ZNF205: variants seen among roughly 807,000 people sequenced by gnomAD.
ZNF205 encodes the protein transcriptional repressor RHIT.
ZNF205 carries 32 observed loss-of-function variants against 53.6 expected under a neutral mutation model. The ratio of observed to expected loss-of-function variants is 0.60; its 90% confidence interval spans 0.45 to 0.80. ZNF205 has a LOEUF of 0.80. Among genes scored for constraint, ZNF205 ranks in the 30% least tolerant of loss-of-function variants. ZNF205 has a pLI of 0.00. For synonymous variants in ZNF205, 382 were observed against 334.3 expected (o/e 1.14, Z -1.56); for missense variants, 836 against 782.4 (o/e 1.07, Z -0.82).
intron 5 of ZNF205, among the ~76,000 whole-genome samples, chr16:3,118,439 A>G (rs1478871550): frequency 6.6e-6 from 1 of 151,928 alleles, no homozygotes; most frequent in Admixed American, 6.6e-5. Flanking sequence ...CTTTCCTCCC[A>G]CGGGTGGTGG....
In ZNF205 at chr16:3,115,343, T is replaced by C. The variant is rs1304089073; in HGVS notation, c.58-12T>C. The C allele has an allele frequency of 6.4e-7, 1 of 1,572,406 alleles. No individual in the cohort carries two copies. The highest frequency in any genetic ancestry group is 8.6e-7 in the Non-Finnish European group (1 of 1,159,860). On this transcript the variant is annotated splice_polypyrimidine_tract_variant and intron_variant, in intron 2 of 6. Coordinates refer to ENST00000219091, the MANE Select transcript of ZNF205 (RefSeq NM_001042428.2). ...CCACTCATCTGGGTGCTGATGGGGC[T>C]GTCCTTTCTAGGTTCCAGATCGTGG...
In ZNF205 at chr16:3,115,826, C is replaced by T. The variant is rs752664176; in HGVS notation, c.272-3C>T. 1.2e-6 allele frequency: 2 copies of T among 1,612,042 alleles called. No individual in the cohort carries two copies. The highest frequency in any genetic ancestry group is 1.7e-6 in the Non-Finnish European group (2 of 1,178,968). On this transcript the variant is annotated splice_polypyrimidine_tract_variant and splice_region_variant and intron_variant, in intron 3 of 6. Coordinates refer to ENST00000219091, the MANE Select transcript of ZNF205 (RefSeq NM_001042428.2). The stretch of plus-strand genomic sequence containing the variant: ...CACCGTGAGGACCTCTCTCCTCCCA[C>T]AGCCCTCCCCTCCCCCCGGATCCCC...
rs1256556576 is a variant in ZNF205 at position 3,119,787 on chromosome 16, A to C, written c.1127A>C (p.His376Pro). 2.5e-6 allele frequency: 4 copies of C among 1,612,178 alleles called. No homozygotes were observed. Among genetic ancestry groups the C allele is most frequent in the Non-Finnish European group, 3.4e-6 (4 of 1,179,464 alleles). The stretch of plus-strand genomic sequence containing the variant: ...GCCTGCCGGAAGAGCTTCAGCCACC[A>C]CTCCACGCTGATTCAGCACCAGCGC... ...CPACRKSFSH[H>P]STLIQHQRIH... The change falls in exon 7 of 7, where the codon CAC becomes CCC. Residue 376 changes from histidine to proline, a missense_variant. By Grantham distance (77) the His-to-Pro change is moderately conservative. Transcript: ENST00000219091.
chr16:3,115,289 GC>G, intron 2 of ZNF205, 65 bp from the exon 3 acceptor site: 1 of 1,291,510 alleles, frequency 7.7e-7, no homozygotes, highest in South Asian at 2.1e-5. Context: ...CTGCCGGAGC[GC>G]ACTGCCATGT....
chr16:3,120,016 G>C lies in ZNF205; in HGVS notation c.1356G>C (p.Glu452Asp), dbSNP rs1957403349. ...GGGTCAAGCCCTATCCGTGCCCCGAGTGCGGCAAGTGCTTCAGCCAGCGTT... is the reference window on the plus strand; with the variant it reads ...GGGTCAAGCCCTATCCGTGCCCCGACTGCGGCAAGTGCTTCAGCCAGCGTT... ...HTGVKPYPCP[E>D]CGKCFSQRSN... The change falls in exon 7 of 7, where the codon GAG becomes GAC. Residue 452 changes from glutamate (E) to aspartate (D), a missense_variant. Coordinates refer to ENST00000219091, the MANE Select transcript of ZNF205 (RefSeq NM_001042428.2). 1 of 1,613,372 alleles carries C rather than the reference G, an allele frequency of 6.2e-7. No homozygotes were observed. The highest frequency in any genetic ancestry group is 1.1e-5 in the South Asian group (1 of 91,072).
rs1278987830 is a variant in ZNF205, at chr16:3,118,526, G to T, written c.485-379G>T. Among the ~76,000 whole-genome samples, 7 of 152,320 alleles carry T rather than the reference G, an allele frequency of 4.6e-5. No individual in the cohort carries two copies. In the Middle Eastern group the frequency reaches 0.014, roughly 296 times the overall value. ...CACACCCCCCCAAGACTTGACAAAT[G>T]GGATGACCTTAGTCGTTGGAGATCC... On this transcript the variant is annotated intron_variant, in intron 5 of 6. Coordinates refer to ENST00000219091, the MANE Select transcript of ZNF205 (RefSeq NM_001042428.2).
Position 3,115,640 on chromosome 16 carries a change from C to T in ZNF205, c.271+72C>T. 4.7e-6 allele frequency: 7 copies of T among 1,481,470 alleles called. No individual in the cohort carries two copies. In the South Asian group the frequency reaches 6.8e-5, roughly 14 times the overall value. 91.8% of individuals were successfully genotyped at this position (1,481,470 alleles called of 1,614,324 possible). A position where few individuals can be genotyped will look rare whatever the true frequency, so the allele number is the denominator to read the frequency against. On this transcript the variant is annotated intron_variant, in intron 3 of 6. Transcript: ENST00000219091. ...GGGGAGGTGGAGGTTTGGCCCAGGT[C>T]CAGGTGGGGCTGAGGGTCTCTATGC...
At position 3,120,180 on chromosome 16, in the gene ZNF205, C is replaced by A. The variant is rs550442577; in HGVS notation, c.1520C>A (p.Pro507Gln). 1.0e-5 allele frequency: 16 copies of A among 1,606,430 alleles called. No individual in the cohort carries two copies. The highest frequency in any genetic ancestry group is 1.7e-4 in the Middle Eastern group (1 of 6,054). ...THRGVRPYAC[P>Q]LCGKSFSRRS... ...CGTGGCGTGCGGCCCTACGCCTGCC[C>A]GTTGTGCGGCAAGAGCTTCAGCCGG... is the stretch of plus-strand genomic sequence containing the variant. Residue 507 changes from proline to glutamine, a missense_variant, in exon 7 of 7, where the codon CCG becomes CAG. Coordinates refer to ENST00000219091, the MANE Select transcript of ZNF205 (RefSeq NM_001042428.2).
rs1419734874 is a variant in ZNF205 at position 3,119,694 on chromosome 16, T to G, written c.1034T>G (p.Phe345Cys). Residue 345 changes from phenylalanine (F) to cysteine (C), a missense_variant, in exon 7 of 7, where the codon TTC becomes TGC. Physicochemically the swap from Phe to Cys is radical, Grantham distance 205. Coordinates refer to ENST00000219091, the MANE Select transcript of ZNF205 (RefSeq NM_001042428.2). Reference sequence around the variant, plus strand: ...GCCTGCACTGACTGCGGGAAGCGCTTCGGCCGCAGCTCGCACCTCATCCAG... The same window carrying G: ...GCCTGCACTGACTGCGGGAAGCGCTGCGGCCGCAGCTCGCACCTCATCCAG... The part of the protein sequence containing the change: ...PYACTDCGKR[F>C]GRSSHLIQHQ... 1.2e-6 allele frequency: 2 copies of G among 1,613,338 alleles called. No individual in the cohort carries two copies. The highest frequency in any genetic ancestry group is 1.7e-6 in the Non-Finnish European group (2 of 1,179,824).
rs755667985 is a variant in ZNF205, at chr16:3,118,942, G to A, written c.522G>A (p.Ala174=). ...PFSRPFWAPQ[A]HGKGEASGSS... ...GCAGGCCTTTCTGGGCCCCTCAAGCGCACGGCAAGGGTGAGGCCTCGGGCT... is the reference window on the plus strand; with the variant it reads ...GCAGGCCTTTCTGGGCCCCTCAAGCACACGGCAAGGGTGAGGCCTCGGGCT... Residue 174 remains alanine (A), a synonymous_variant, in exon 6 of 7, where the codon GCG becomes GCA. Coordinates refer to ENST00000219091, the MANE Select transcript of ZNF205 (RefSeq NM_001042428.2). 2 of 1,613,644 alleles carry A rather than the reference G, an allele frequency of 1.2e-6. No homozygotes were observed. The highest frequency in any genetic ancestry group is 1.7e-6 in the Non-Finnish European group (2 of 1,179,974).
rs1256176162 is a variant in ZNF205, at chr16:3,118,910, CCCT to C, written c.491_493del (p.Pro164_Phe165delinsLeu). The C allele has an allele frequency of 1.2e-6, 2 of 1,613,178 alleles. No individual in the cohort carries two copies. The highest frequency in any genetic ancestry group is 2.7e-5 in the African/African-American group (2 of 74,930). On this transcript the variant is annotated inframe_deletion, in exon 6 of 7. Transcript: ENST00000219091. ...CAGCATCTCTTTCTGGGCAGGCTTT[CCCT>C]TCAGCAGGCCTTTCTGGGCCCCTCA... is the stretch of plus-strand genomic sequence containing the variant.
chr16:3,117,666 T>C (rs1427450374), intron 5 of ZNF205, among the ~76,000 whole-genome samples: 1 of 151,772 alleles, frequency 6.6e-6, no homozygotes, highest in Admixed American at 6.6e-5. Flanking sequence ...TTGCCCAGGT[T>C]GGTCTTGAGC....
chr16:3,115,601 A>T, intron 3 of ZNF205, 33 bp downstream of exon 3: 20 of 1,552,468 alleles, frequency 1.3e-5, no homozygotes, highest in Non-Finnish European at 1.6e-5. Context: ...GCGCTTTCCC[A>T]GGGAGGCAGC....
In ZNF205 at chr16:3,119,707, G is replaced by A; in HGVS notation, c.1047G>A (p.Ser349=). 6.2e-7 allele frequency: 1 copy of A among 1,613,312 alleles called. No individual in the cohort carries two copies. The highest frequency in any genetic ancestry group is 8.5e-7 in the Non-Finnish European group (1 of 1,179,808). The change falls in exon 7 of 7, where the codon TCG becomes TCA. Residue 349 remains serine, a synonymous_variant. Coordinates refer to ENST00000219091, the MANE Select transcript of ZNF205 (RefSeq NM_001042428.2). ...GCGGGAAGCGCTTCGGCCGCAGCTC[G>A]CACCTCATCCAGCACCAGATCATCC... ...TDCGKRFGRS[S]HLIQHQIIHT... is the part of the protein sequence containing the mutation.
At position 3,119,936 on chromosome 16, in the gene ZNF205, G is replaced by C. The variant is rs758502619; in HGVS notation, c.1276G>C (p.Ala426Pro). The C allele has an allele frequency of 9.9e-6, 16 of 1,613,466 alleles. No individual in the cohort carries two copies. The highest frequency in any genetic ancestry group is 1.2e-5 in the Non-Finnish European group (14 of 1,179,946). ...GAKPHKCPIC[A>P]KCFTQSSALV... ...CAAGCCGCACAAGTGCCCCATCTGC[G>C]CCAAGTGCTTCACGCAGAGCTCGGC... The change falls in exon 7 of 7, where the codon GCC becomes CCC. Residue 426 changes from alanine (A) to proline (P), a missense_variant. Coordinates refer to ENST00000219091, the MANE Select transcript of ZNF205 (RefSeq NM_001042428.2).
intron 4 of ZNF205, 149 bp downstream of exon 4, chr16:3,116,069 A>G: frequency 1.1e-6 from 1 of 936,376 alleles, no homozygotes; most frequent in Non-Finnish European, 1.6e-6. Context: ...GTCCAGGCTC[A>G]AGGCCCATGG....
intron 6 of ZNF205, 48 bp from the exon 7 acceptor site, chr16:3,119,208 G>GTCC (rs1957385416): frequency 1.9e-6 from 3 of 1,539,028 alleles, no homozygotes; most frequent in Non-Finnish European, 2.6e-6. Context: ...CCCTCCTGGG[G>GTCC]TCCTTAGGGA....
chr16:3,118,142 C>T (rs1482375674), intron 5 of ZNF205, among the ~76,000 whole-genome samples: 1 of 151,456 alleles, frequency 6.6e-6, no homozygotes, highest in African/African-American at 2.4e-5. Flanking sequence ...AGGCATGAGC[C>T]ACTGCGCCTG....
In ZNF205 at chr16:3,120,068, C is replaced by A; in HGVS notation, c.1408C>A (p.His470Asn). 1.2e-6 allele frequency: 2 copies of A among 1,613,928 alleles called. No homozygotes were observed. The change falls in exon 7 of 7, where the codon CAC becomes AAC. Residue 470 changes from histidine to asparagine, a missense_variant. Coordinates refer to ENST00000219091, the MANE Select transcript of ZNF205 (RefSeq NM_001042428.2). ...CAACCTCATCGCGCACAACCGCACA[C>A]ACACAGGCGAGAAGCCCTACCACTG... ...RSNLIAHNRT[H>N]TGEKPYHCLD...
Sources: gnomAD v4.1 joint callset for allele counts (sites outside exome capture counted in the v4.1 genomes callset) on GRCh38, gnomAD v4.1.1 for gene constraint, MANE v1.5 for transcripts, NCBI Gene and HGNC (gene_info 2026-07-23, HGNC 2026-07-21) for gene names.